The following CSMD1 variants were observed in gnomAD, a reference collection of about 807,000 sequenced individuals.
CSMD1 encodes the protein CUB and sushi domain-containing protein 1.
Under a neutral mutation model 417.5 loss-of-function variants are expected in CSMD1, and 213 were observed. The observed-to-expected ratio is 0.51, with a 90% confidence interval of 0.46 to 0.57. The LOEUF (loss-of-function observed/expected upper bound fraction) is 0.57, where lower values mean the gene tolerates loss of function less well. CSMD1 is among the 20% of genes least tolerant of loss of function. The pLI is 0.00. For synonymous variants in CSMD1, 2,862 were observed against 1,736.8 expected (o/e 1.65, Z -16.11); for missense variants, 6,923 against 4,529.7 (o/e 1.53, Z -15.17).
chr8:4,020,654 T>A (rs1796743672), intron 4 of CSMD1, among the ~76,000 whole-genome samples: 1 of 152,200 alleles, frequency 6.6e-6, no homozygotes, highest in South Asian at 2.1e-4. Flanking sequence ...TTTTCTTACT[T>A]ATTCCAGGAC....
Position 4,549,710 on chromosome 8 carries a change from A to T in CSMD1, c.302+87632T>A, listed in dbSNP as rs186184842. On this transcript the variant is annotated intron_variant, in intron 2 of 69. Transcript: ENST00000635120. Reference sequence around the variant, plus strand: ...TCAAGACCAGCCTGGGCAACATGGCAAAACCCCGTCTCTACTATAAATCTA... The same window carrying T: ...TCAAGACCAGCCTGGGCAACATGGCTAAACCCCGTCTCTACTATAAATCTA... Among the ~76,000 whole-genome samples the T allele has an allele frequency of 1.3e-4, 19 of 151,872 alleles. No individual in the cohort carries two copies. In the East Asian group the frequency reaches 2.9e-3, roughly 23 times the overall value.
At chr8:3,798,577 G>A (rs918559643) in intron 5 of CSMD1, among the ~76,000 whole-genome samples, 1 of 152,016 alleles carries the variant, frequency 6.6e-6, no homozygotes, top group African/African-American at 2.4e-5. Flanking sequence ...TGATTGCAAT[G>A]AAAAGGCAAT....
chr8:4,383,257 T>C (rs1803223194), intron 3 of CSMD1, among the ~76,000 whole-genome samples: 1 of 152,198 alleles, frequency 6.6e-6, no homozygotes. Flanking sequence ...CAGCATTGTC[T>C]AGTACAGTTT....
intron 1 of CSMD1, among the ~76,000 whole-genome samples, chr8:4,730,119 A>G (rs1809745781): frequency 6.6e-6 from 1 of 152,200 alleles, no homozygotes; most frequent in South Asian, 2.1e-4. Context: ...CGCACTTAGA[A>G]GCATTGAGAA....
At chr8:4,431,722 G>T (rs908240337) in intron 2 of CSMD1, among the ~76,000 whole-genome samples, 4 of 152,236 alleles carry the variant, frequency 2.6e-5, no homozygotes, top group South Asian at 2.1e-4. Flanking sequence ...TAAGACAATG[G>T]AATCAATTGT....
chr8:3,156,385 T>G (rs1819532207), intron 39 of CSMD1, among the ~76,000 whole-genome samples: 1 of 152,240 alleles, frequency 6.6e-6, no homozygotes, highest in Non-Finnish European at 1.5e-5. Flanking sequence ...TAATTGAAAT[T>G]CTTGAGTGTC....
At chr8:4,261,975 C>T (rs1803919110) in intron 3 of CSMD1, among the ~76,000 whole-genome samples, 2 of 152,214 alleles carry the variant, frequency 1.3e-5, no homozygotes, top group South Asian at 4.1e-4. Flanking sequence ...AACCTGAAGT[C>T]TGTCATTTCC....
intron 3 of CSMD1, among the ~76,000 whole-genome samples, chr8:4,130,998 T>C (rs932760961): frequency 6.6e-6 from 1 of 152,144 alleles, no homozygotes; most frequent in Non-Finnish European, 1.5e-5. Flanking sequence ...CTCTCCCTGC[T>C]GTTGGAATCT....
At chr8:3,789,726 ATTTTTTTTTTTTT>A (rs55917452) in intron 5 of CSMD1, among the ~76,000 whole-genome samples, 2 of 101,120 alleles carry the variant, frequency 2.0e-5, no homozygotes, top group African/African-American at 4.0e-5. Context: ...ATCATGGTTA[ATTTTTTTTTTTTT>A]TTTTTTTTTG....
intron 1 of CSMD1, among the ~76,000 whole-genome samples, chr8:4,934,729 T>C (rs1046800535): frequency 6.6e-6 from 1 of 152,238 alleles, no homozygotes. Context: ...TCCATCTATA[T>C]ATCTATAAAC....
At chr8:3,730,031 G>C (rs763250829) in intron 6 of CSMD1, among the ~76,000 whole-genome samples, 8 of 149,080 alleles carry the variant, frequency 5.4e-5, no homozygotes, top group Non-Finnish European at 7.4e-5. Context: ...TGGTCGAAGC[G>C]CTGCAAGTGT....
At chr8:4,012,474 A>C (rs1414879669) in intron 4 of CSMD1, among the ~76,000 whole-genome samples, 1 of 152,074 alleles carries the variant, frequency 6.6e-6, no homozygotes, top group Admixed American at 6.5e-5. Context: ...CAGGTTTGTT[A>C]CTTGCATAAA....
intron 2 of CSMD1, among the ~76,000 whole-genome samples, chr8:4,554,638 T>C (rs535594550): frequency 2.6e-5 from 4 of 152,316 alleles, no homozygotes; most frequent in Non-Finnish European, 5.9e-5. Flanking sequence ...TATTGCTAAG[T>C]TGCCATAGGC....
At chr8:3,833,963 T>C (rs1227514407) in intron 5 of CSMD1, among the ~76,000 whole-genome samples, 1 of 152,194 alleles carries the variant, frequency 6.6e-6, no homozygotes, top group African/African-American at 2.4e-5. Context: ...ATTCTTTCAA[T>C]TCACCTTTCC....
chr8:4,548,713 G>A (rs985426431), intron 2 of CSMD1, among the ~76,000 whole-genome samples: 2 of 151,964 alleles, frequency 1.3e-5, no homozygotes, highest in East Asian at 3.9e-4. Flanking sequence ...TTTTTTAACT[G>A]ATCTCCAGTT....
intron 3 of CSMD1, among the ~76,000 whole-genome samples, chr8:4,076,971 TATC>T (rs927769658): frequency 1.8e-4 from 27 of 152,316 alleles, no homozygotes; most frequent in Admixed American, 3.3e-4. Flanking sequence ...CTCTGAATTA[TATC>T]ATCAGAATGA....
At chr8:4,779,580 C>T (rs10081546) in intron 1 of CSMD1, among the ~76,000 whole-genome samples, 14,152 of 152,216 alleles carry the variant, frequency 0.093, 872 homozygotes, top group East Asian at 0.32. Flanking sequence ...TCATGTTTAG[C>T]TCAAAGGAAC....
intron 3 of CSMD1, among the ~76,000 whole-genome samples, chr8:4,368,439 G>C (rs1595465): frequency 0.27 from 40,505 of 152,004 alleles, 5,743 homozygotes; most frequent in East Asian, 0.38. Context: ...TCATTTTTCT[G>C]TTGTGTCTCT....
At chr8:3,348,538 C>T (rs1369947086) in intron 21 of CSMD1, among the ~76,000 whole-genome samples, 2 of 152,172 alleles carry the variant, frequency 1.3e-5, no homozygotes, top group African/African-American at 4.8e-5. Context: ...ATGTCCCCAC[C>T]AGTTCCCACG....
Sources: allele counts gnomAD v4.1 joint callset (sites outside exome capture counted in the v4.1 genomes callset), GRCh38; gene constraint gnomAD v4.1.1; transcripts MANE v1.5; gene names NCBI Gene and HGNC (gene_info 2026-07-23, HGNC 2026-07-21).